The following GRM7 variants were observed in gnomAD, a reference collection of about 807,000 sequenced individuals.
GRM7 encodes glutamate metabotropic receptor 7, also known as metabotropic glutamate receptor 7.
A neutral mutation model predicts 84.5 loss-of-function variants in GRM7; 35 were observed. The observed-to-expected ratio is 0.41, with a 90% CI of 0.32 to 0.55. GRM7 has a LOEUF of 0.55. GRM7 is among the 20% of genes least tolerant of loss of function. GRM7 has a pLI of 0.19. For missense variants in GRM7, 1,003 were observed against 1,194.6 expected (o/e 0.84, Z 2.36); for synonymous variants, 487 against 455.1 (o/e 1.07, Z -0.89).
intron 2 of GRM7, among the ~76,000 whole-genome samples, chr3:7,281,104 G>A (rs1699238192): frequency 6.6e-6 from 1 of 152,058 alleles, no homozygotes; most frequent in Admixed American, 6.6e-5. Flanking sequence ...TCTCCAAGCA[G>A]GTAAGAAATA....
In GRM7 at chr3:7,359,835, A is replaced by G. The variant is rs73809075; in HGVS notation, c.1033+53183A>G. The stretch of plus-strand genomic sequence containing the variant: ...ACTTAATGTTAAGCAAAGTGCTTAC[A>G]CCGACAATTCTTGTTTTCTCATTAT... On this transcript the variant is annotated intron_variant, in intron 4 of 9. Coordinates refer to ENST00000357716, the MANE Select transcript of GRM7 (RefSeq NM_000844.4). Among the ~76,000 whole-genome samples, 28 of 148,032 alleles carry G rather than the reference A, an allele frequency of 1.9e-4. 1 individual carries two copies. The highest frequency in any genetic ancestry group is 2.7e-4 in the Non-Finnish European group (18 of 67,394).
chr3:6,871,392 G>T (rs1053241366), intron 1 of GRM7, among the ~76,000 whole-genome samples: 2 of 151,930 alleles, frequency 1.3e-5, no homozygotes, highest in Admixed American at 6.6e-5. Flanking sequence ...TGTCATCACT[G>T]ATACGCATGA....
At chr3:7,242,006 A>T (rs926726360) in intron 2 of GRM7, among the ~76,000 whole-genome samples, 3 of 152,136 alleles carry the variant, frequency 2.0e-5, no homozygotes, top group Non-Finnish European at 2.9e-5. Context: ...TATAGCTTCA[A>T]TGAAATGGGA....
At chr3:7,649,931 A>ATAGAT in intron 8 of GRM7, among the ~76,000 whole-genome samples, 1 of 152,286 alleles carries the variant, frequency 6.6e-6, no homozygotes, top group Admixed American at 6.5e-5. Context: ...AGTGGTGATA[A>ATAGAT]TAGATTGTTA....
chr3:6,941,420 A>G (rs1357226128), intron 1 of GRM7, among the ~76,000 whole-genome samples: 1 of 152,230 alleles, frequency 6.6e-6, no homozygotes, highest in Admixed American at 6.5e-5. Flanking sequence ...AACAATCAGC[A>G]GGAAGGTAAC....
At chr3:7,280,167 C>T (rs1378200192) in intron 2 of GRM7, among the ~76,000 whole-genome samples, 1 of 152,126 alleles carries the variant, frequency 6.6e-6, no homozygotes, top group Non-Finnish European at 1.5e-5. Flanking sequence ...CTTACCCCTT[C>T]TTTATTGTTT....
At position 7,409,914 on chromosome 3, in the gene GRM7, T is replaced by C. The variant is rs115865185; in HGVS notation, c.1034-5109T>C. On this transcript the variant is annotated intron_variant, in intron 4 of 9. Coordinates refer to ENST00000357716, the MANE Select transcript of GRM7 (RefSeq NM_000844.4). ...TGTGCCTGGCCAACTTCCCTGTTTTTAGTTGCTTTTTCAAGGATATATTCT... is the reference window on the plus strand; with the variant it reads ...TGTGCCTGGCCAACTTCCCTGTTTTCAGTTGCTTTTTCAAGGATATATTCT... Among the ~76,000 whole-genome samples the C allele has an allele frequency of 2.5e-3, 380 of 152,296 alleles. 2 individuals carry two copies. Among genetic ancestry groups the C allele is most frequent in the African/African-American group, 8.7e-3 (362 of 41,572 alleles).
intron 7 of GRM7, among the ~76,000 whole-genome samples, chr3:7,505,961 A>G (rs1382719945): frequency 6.6e-6 from 1 of 152,228 alleles, no homozygotes; most frequent in Non-Finnish European, 1.5e-5. Flanking sequence ...CCGCATCACC[A>G]GGCTGCTAGT....
Position 7,235,067 on chromosome 3 carries a change from T to C in GRM7, c.737-63617T>C, listed in dbSNP as rs183026482. Among the ~76,000 whole-genome samples, 3 of 152,292 alleles carry C rather than the reference T, an allele frequency of 2.0e-5. No individual in the cohort carries two copies. In the East Asian group the frequency reaches 5.8e-4, roughly 29 times the overall value. On this transcript the variant is annotated intron_variant, in intron 2 of 9. Coordinates refer to ENST00000357716, the MANE Select transcript of GRM7 (RefSeq NM_000844.4). ...ATTATTATCTAAGCATCTCCCTCAT[T>C]AGAATAAAAAAAGTAAACTAGCAAT...
intron 1 of GRM7, among the ~76,000 whole-genome samples, chr3:6,892,327 C>T (rs1323003427): frequency 2.0e-5 from 3 of 152,058 alleles, no homozygotes; most frequent in Non-Finnish European, 4.4e-5. Flanking sequence ...GTATCCTGCT[C>T]CTGTTGGGTC....
chr3:7,515,267 C>A (rs539734066), intron 7 of GRM7, among the ~76,000 whole-genome samples: 1 of 150,170 alleles, frequency 6.7e-6, no homozygotes, highest in East Asian at 2.0e-4. Flanking sequence ...TTCTTAACTT[C>A]AGGACTACGG....
chr3:6,916,759 C>T (rs1165883793), intron 1 of GRM7, among the ~76,000 whole-genome samples: 3 of 152,134 alleles, frequency 2.0e-5, no homozygotes, highest in Non-Finnish European at 4.4e-5. Flanking sequence ...TGGGGAGACA[C>T]AAGCATTCAG....
chr3:7,252,817 T>A (rs1357629521), intron 2 of GRM7, among the ~76,000 whole-genome samples: 1 of 150,854 alleles, frequency 6.6e-6, no homozygotes, highest in East Asian at 1.9e-4. Flanking sequence ...GCCTCCAGAG[T>A]AGCTGCGACT....
At chr3:7,171,482 G>A (rs1694981527) in intron 2 of GRM7, among the ~76,000 whole-genome samples, 1 of 152,130 alleles carries the variant, frequency 6.6e-6, no homozygotes. Flanking sequence ...TCAACTCACA[G>A]CTATAGATTT....
intron 7 of GRM7, among the ~76,000 whole-genome samples, chr3:7,548,708 T>C (rs1459467113): frequency 6.6e-6 from 1 of 152,180 alleles, no homozygotes; most frequent in Non-Finnish European, 1.5e-5. Flanking sequence ...TCTAACTCAA[T>C]GTAAATCATC....
intron 1 of GRM7, among the ~76,000 whole-genome samples, chr3:7,099,529 CATT>C (rs1237334329): frequency 2.0e-5 from 3 of 146,838 alleles, no homozygotes; most frequent in South Asian, 2.1e-4. Flanking sequence ...TATGTACACG[CATT>C]ATACATGTAC....
intron 5 of GRM7, among the ~76,000 whole-genome samples, chr3:7,449,265 A>C (rs1039680402): frequency 2.0e-5 from 3 of 152,166 alleles, no homozygotes; most frequent in Non-Finnish European, 4.4e-5. Context: ...CATCTTGGCT[A>C]ACTTTGCAAG....
intron 1 of GRM7, among the ~76,000 whole-genome samples, chr3:7,068,424 C>T (rs892095271): frequency 3.3e-5 from 5 of 151,986 alleles, no homozygotes; most frequent in African/African-American, 1.2e-4. Flanking sequence ...TAGTTACGCA[C>T]AAAGTACGCT....
Position 7,459,671 on chromosome 3 carries a change from C to A in GRM7, c.1376-1912C>A, listed in dbSNP as rs113265945. On this transcript the variant is annotated intron_variant, in intron 6 of 9. Coordinates refer to ENST00000357716, the MANE Select transcript of GRM7 (RefSeq NM_000844.4). ...CAAGAACAGTATGGGGGAAACTGCC[C>A]GCATGATTCAATTATGTCCCACTGG... Among the ~76,000 whole-genome samples the A allele has an allele frequency of 4.8e-3, 733 of 152,086 alleles. 6 individuals are homozygous for A. The highest frequency in any genetic ancestry group is 0.032 in the East Asian group (167 of 5,160).
Sources: gnomAD v4.1 joint callset for allele counts (sites outside exome capture counted in the v4.1 genomes callset) on GRCh38, gnomAD v4.1.1 for gene constraint, MANE v1.5 for transcripts, NCBI Gene and HGNC (gene_info 2026-07-23, HGNC 2026-07-21) for gene names.